B3GAT2: variants seen among roughly 807,000 people sequenced by gnomAD.
B3GAT2 encodes beta-1,3-glucuronyltransferase 2.
Under a neutral mutation model 27.8 loss-of-function variants are expected in B3GAT2, and 26 were observed. The observed-to-expected ratio is 0.93, with a 90% CI of 0.68 to 1.30. The LOEUF is 1.30. B3GAT2 is among the 50% of genes most tolerant of loss of function. The pLI is 0.00. For missense variants in B3GAT2, 458 were observed against 459.0 expected (o/e 1.00, Z 0.02); for synonymous variants, 218 against 195.1 (o/e 1.12, Z -0.98).
chr6:70,888,180 C>T (rs1772222293), intron 2 of B3GAT2, among the ~76,000 whole-genome samples: 1 of 152,012 alleles, frequency 6.6e-6, no homozygotes, highest in Non-Finnish European at 1.5e-5. Context: ...GGACAACACA[C>T]CCACAGTGAA....
chr6:70,890,416 G>A lies in B3GAT2; in HGVS notation c.736+3712C>T, dbSNP rs538685085. On this transcript the variant is annotated intron_variant, in intron 2 of 3. Transcript: ENST00000230053. ...AACTAAGCTTTCCTAGACTTCACCT[G>A]TATGAGGAAAAGGCACAGAAGACCT... Among the ~76,000 whole-genome samples, 4 of 152,300 alleles carry A rather than the reference G, an allele frequency of 2.6e-5. No homozygotes were observed. The South Asian group carries it at 6.2e-4, about 24-fold the overall frequency.
intron 2 of B3GAT2, among the ~76,000 whole-genome samples, chr6:70,862,230 G>GTTGA (rs1339845417): frequency 1.3e-5 from 2 of 152,122 alleles, no homozygotes; most frequent in Admixed American, 6.5e-5. Context: ...AGTTTAGTCT[G>GTTGA]TTGATAATAA....
In B3GAT2 at chr6:70,859,574, TA is replaced by T. The variant is rs1436971148; in HGVS notation, c.*2088del. 6.4e-6 allele frequency: 3 copies of T among 465,538 alleles called. No homozygotes were observed. Among genetic ancestry groups the T allele is most frequent in the Non-Finnish European group, 1.1e-5 (3 of 269,200 alleles). The allele number at this position is 465,538 out of a possible 1,614,324, so 28.8% of individuals were successfully genotyped here. A position where few individuals can be genotyped will look rare whatever the true frequency, so the allele number is the denominator to read the frequency against. ...AGTTTTAAACCCACTCACTATATGG[TA>T]AATCTTGCCTTTCCTTCTCTTATCA... On this transcript the variant is annotated 3_prime_UTR_variant, in exon 4 of 4. Transcript: ENST00000230053.
chr6:70,922,962 C>T (rs528678171), intron 1 of B3GAT2, among the ~76,000 whole-genome samples: 3 of 152,262 alleles, frequency 2.0e-5, no homozygotes, highest in South Asian at 4.1e-4. Flanking sequence ...ACTGTATGAC[C>T]ATTTCCACAC....
rs1163044493 is a variant in B3GAT2, at chr6:70,859,448, T to A, written c.*2215A>T. 5 of 1,325,014 alleles carry A rather than the reference T, an allele frequency of 3.8e-6. No homozygotes were observed. Among genetic ancestry groups the A allele is most frequent in the Admixed American group, 2.2e-5 (1 of 46,222 alleles). 82.1% of individuals were successfully genotyped at this position (1,325,014 alleles called of 1,614,324 possible). The stretch of plus-strand genomic sequence containing the variant: ...AGACGTGATCTGCTTCTTCAGACAC[T>A]TATGCCTGATTAGTGATGTAGTTTA... On this transcript the variant is annotated 3_prime_UTR_variant, in exon 4 of 4. Transcript: ENST00000230053.
Position 70,857,894 on chromosome 6 carries a change from CTTCA to C in B3GAT2, c.*3765_*3768del, listed in dbSNP as rs923780560. The C allele has an allele frequency of 8.7e-6, 14 of 1,607,716 alleles. No homozygotes were observed. Among genetic ancestry groups the C allele is most frequent in the Non-Finnish European group, 1.1e-5 (13 of 1,176,632 alleles). On this transcript the variant is annotated 3_prime_UTR_variant, in exon 4 of 4. Coordinates refer to ENST00000230053, the MANE Select transcript of B3GAT2 (RefSeq NM_080742.3). ...GTGCAACTACACGTGATAGCTCTGT[CTTCA>C]TTCATTTTCTTTTTGTGGTGCAGGT...
At chr6:70,887,177 C>T (rs1055484054) in intron 2 of B3GAT2, among the ~76,000 whole-genome samples, 2 of 152,188 alleles carry the variant, frequency 1.3e-5, no homozygotes, top group South Asian at 2.1e-4. Flanking sequence ...CAAAGCAAAA[C>T]GTCATTAATT....
chr6:70,905,984 C>A (rs944104345), intron 1 of B3GAT2, among the ~76,000 whole-genome samples: 6 of 151,950 alleles, frequency 3.9e-5, no homozygotes, highest in Non-Finnish European at 2.9e-5. Context: ...ATCTTCACTA[C>A]ATAAAAGGGA....
At chr6:70,887,890 C>T (rs1179510370) in intron 2 of B3GAT2, among the ~76,000 whole-genome samples, 2 of 151,974 alleles carry the variant, frequency 1.3e-5, no homozygotes, top group Non-Finnish European at 2.9e-5. Context: ...GATCTCTGCC[C>T]GCAAAGATTG....
Position 70,871,227 on chromosome 6 carries a change from T to G in B3GAT2, c.737-9249A>C, listed in dbSNP as rs543556. ...CTGTCTGTTTTTTTTTTTTTGTTTT[T>G]TTTTTTTCTTCGTGATGTCTTTGGT... On this transcript the variant is annotated intron_variant, in intron 2 of 3. Coordinates refer to ENST00000230053, the MANE Select transcript of B3GAT2 (RefSeq NM_080742.3). Among the ~76,000 whole-genome samples the G allele has an allele frequency of 5.8e-3, 864 of 150,156 alleles. 5 individuals are homozygous for G. The highest frequency in any genetic ancestry group is 0.016 in the African/African-American group (648 of 41,004).
intron 2 of B3GAT2, among the ~76,000 whole-genome samples, chr6:70,865,953 G>A (rs1771844431): frequency 6.6e-6 from 1 of 152,184 alleles, no homozygotes; most frequent in Non-Finnish European, 1.5e-5. Flanking sequence ...AAGCTCTGCA[G>A]TCCCCTTGAA....
intron 1 of B3GAT2, among the ~76,000 whole-genome samples, chr6:70,902,110 G>A: frequency 6.6e-6 from 1 of 152,144 alleles, no homozygotes; most frequent in East Asian, 1.9e-4. Flanking sequence ...GACTGTCTAG[G>A]AGGGGCCTGA....
chr6:70,956,486 A>C lies in B3GAT2; in HGVS notation c.-57T>G. ...AGAGAGGGGCGAGCCGAGGGACCCCAGTGCGCAGCTTGGACAGCGGCGGCG... is the reference window on the plus strand; with the variant it reads ...AGAGAGGGGCGAGCCGAGGGACCCCCGTGCGCAGCTTGGACAGCGGCGGCG... On this transcript the variant is annotated 5_prime_UTR_variant, in exon 1 of 4. Coordinates refer to ENST00000230053, the MANE Select transcript of B3GAT2 (RefSeq NM_080742.3). 6.5e-7 allele frequency: 1 copy of C among 1,547,726 alleles called. No homozygotes were observed. Among genetic ancestry groups the C allele is most frequent in the Non-Finnish European group, 8.7e-7 (1 of 1,145,988 alleles).
chr6:70,893,686 TA>T (rs1479293646), intron 2 of B3GAT2, among the ~76,000 whole-genome samples: 2 of 152,298 alleles, frequency 1.3e-5, no homozygotes, highest in South Asian at 2.1e-4. Flanking sequence ...CAATAAGCAT[TA>T]AAATGACTTG....
At chr6:70,863,508 G>C (rs1285754946) in intron 2 of B3GAT2, among the ~76,000 whole-genome samples, 1 of 152,220 alleles carries the variant, frequency 6.6e-6, no homozygotes, top group Non-Finnish European at 1.5e-5. Flanking sequence ...AAGGGAGGGA[G>C]GTGGCACATT....
At chr6:70,946,054 A>C (rs904829756) in intron 1 of B3GAT2, among the ~76,000 whole-genome samples, 9 of 152,102 alleles carry the variant, frequency 5.9e-5, no homozygotes, top group Non-Finnish European at 8.8e-5. Context: ...GCCTGCCCTA[A>C]AAGAGCTCCT....
intron 2 of B3GAT2, among the ~76,000 whole-genome samples, chr6:70,893,086 G>A (rs1431222682): frequency 6.6e-6 from 1 of 152,148 alleles, no homozygotes; most frequent in Non-Finnish European, 1.5e-5. Context: ...CCTCTCCCAC[G>A]ATGCCATGTG....
chr6:70,950,251 C>T (rs1487428873), intron 1 of B3GAT2, among the ~76,000 whole-genome samples: 1 of 149,314 alleles, frequency 6.7e-6, no homozygotes, highest in African/African-American at 2.5e-5. Flanking sequence ...AAGATCAACC[C>T]ACAGAACAAA....
intron 1 of B3GAT2, among the ~76,000 whole-genome samples, chr6:70,921,552 G>C (rs898323340): frequency 3.9e-5 from 6 of 152,072 alleles, no homozygotes. Flanking sequence ...ACTTTCTCCT[G>C]AATCTCAATG....
Sources: gnomAD v4.1 joint callset for allele counts (sites outside exome capture counted in the v4.1 genomes callset) on GRCh38, gnomAD v4.1.1 for gene constraint, MANE v1.5 for transcripts, NCBI Gene and HGNC (gene_info 2026-07-23, HGNC 2026-07-21) for gene names.